The following ROBO2 variants were observed in gnomAD, a reference collection of about 807,000 sequenced individuals.
The protein encoded by ROBO2 is roundabout guidance receptor 2.
In ROBO2, 53 loss-of-function variants were observed where a neutral mutation model predicts 160.8. The observed-to-expected ratio is 0.33, with a 90% confidence interval of 0.26 to 0.41. The LOEUF (loss-of-function observed/expected upper bound fraction) is 0.41, where lower values mean the gene tolerates loss of function less well. ROBO2 is among the 10% of genes least tolerant of loss of function. The pLI is 1.00. For synonymous variants in ROBO2, 664 were observed against 611.7 expected (o/e 1.09, Z -1.26); for missense variants, 1,577 against 1,722.4 (o/e 0.92, Z 1.49).
chr3:76,310,575 C>T (rs557486242), intron 2 of ROBO2, among the ~76,000 whole-genome samples: 5 of 152,178 alleles, frequency 3.3e-5, no homozygotes, highest in Middle Eastern at 3.4e-3. Flanking sequence ...TCATTAGTGC[C>T]GATGCAATCC....
At chr3:76,272,784 TATA>T (rs1246045743) in intron 2 of ROBO2, among the ~76,000 whole-genome samples, 2 of 20,620 alleles carry the variant, frequency 9.7e-5, no homozygotes, top group Non-Finnish European at 1.1e-4. Context: ...ATATAAAATA[TATA>T]AAATATATAT....
intron 2 of ROBO2, among the ~76,000 whole-genome samples, chr3:76,544,143 A>T (rs1281409901): frequency 6.6e-6 from 1 of 152,058 alleles, no homozygotes; most frequent in South Asian, 2.1e-4. Flanking sequence ...TTGTTGAGAA[A>T]TATGCTCAGT....
Position 76,196,335 on chromosome 3 carries a change from A to G in ROBO2, c.109+258733A>G, listed in dbSNP as rs190069017. On this transcript the variant is annotated intron_variant, in intron 2 of 26. Transcript: ENST00000487694. ...TGCCTTATATAATATCCATGACAAT[A>G]AAAGAATAAGTATTCCTATTTTCCC... Among the ~76,000 whole-genome samples the G allele has an allele frequency of 7.9e-4, 121 of 152,276 alleles. No individual in the cohort carries two copies. The South Asian group carries it at 0.011, about 13-fold the overall frequency.
intron 2 of ROBO2, among the ~76,000 whole-genome samples, chr3:76,609,235 C>T (rs548409736): frequency 3.2e-4 from 48 of 152,142 alleles, no homozygotes; most frequent in African/African-American, 1.1e-3. Context: ...GTTTTTATAC[C>T]AGTTCCATGC....
At chr3:76,826,197 C>T (rs532319167) in intron 2 of ROBO2, among the ~76,000 whole-genome samples, 6 of 151,956 alleles carry the variant, frequency 3.9e-5, no homozygotes, top group African/African-American at 1.2e-4. Context: ...TTTGGCTGAG[C>T]GTAAGCCTGC....
At chr3:76,822,460 T>C (rs979244395) in intron 2 of ROBO2, among the ~76,000 whole-genome samples, 1 of 152,068 alleles carries the variant, frequency 6.6e-6, no homozygotes, top group African/African-American at 2.4e-5. Context: ...GCTATTGCCA[T>C]GTAGAATATA....
At position 77,558,168 on chromosome 3, in the gene ROBO2, G is replaced by A. The variant is rs2093191637; in HGVS notation, c.1437+19G>A. ...TTTACGGGTAAGTAATATTGGACTT[G>A]TACATGAATTATCATCTACACATAA... On this transcript the variant is annotated intron_variant, in intron 9 of 25. Transcript: ENST00000461745. The A allele has an allele frequency of 1.3e-6, 2 of 1,598,108 alleles. No homozygotes were observed. Among genetic ancestry groups the A allele is most frequent in the Non-Finnish European group, 1.7e-6 (2 of 1,166,010 alleles).
intron 2 of ROBO2, among the ~76,000 whole-genome samples, chr3:76,259,902 C>T (rs1356094398): frequency 1.3e-5 from 2 of 152,154 alleles, no homozygotes; most frequent in African/African-American, 4.8e-5. Context: ...CTGCTGGCAG[C>T]ATCAGTGAAT....
At chr3:77,437,094 A>G (rs1423081698) in intron 2 of ROBO2, among the ~76,000 whole-genome samples, 1 of 152,008 alleles carries the variant, frequency 6.6e-6, no homozygotes, top group Non-Finnish European at 1.5e-5. Flanking sequence ...CATAGTCCAC[A>G]TCTTCTGTTA....
intron 2 of ROBO2, among the ~76,000 whole-genome samples, chr3:76,679,868 C>G (rs947089417): frequency 3.3e-5 from 5 of 152,036 alleles, no homozygotes; most frequent in African/African-American, 1.2e-4. Context: ...GGATAGTTAT[C>G]TTTATTCCTT....
chr3:77,067,732 A>G (rs74760719), intron 1 of ROBO2, among the ~76,000 whole-genome samples: 9,251 of 152,226 alleles, frequency 0.061, 372 homozygotes, highest in Middle Eastern at 0.13. Context: ...GACCTTAGAA[A>G]CAGTAGACGC....
intron 2 of ROBO2, among the ~76,000 whole-genome samples, chr3:76,113,217 A>T (rs2070316597): frequency 6.6e-6 from 1 of 152,146 alleles, no homozygotes. Flanking sequence ...TAAAAAATGG[A>T]TGTGAGGAAA....
At chr3:76,638,970 C>T (rs2090487075) in intron 2 of ROBO2, among the ~76,000 whole-genome samples, 1 of 152,110 alleles carries the variant, frequency 6.6e-6, no homozygotes, top group Admixed American at 6.5e-5. Context: ...TACTGCATTA[C>T]GTCCCTCCAG....
At chr3:76,464,058 G>A (rs1405642428) in intron 2 of ROBO2, among the ~76,000 whole-genome samples, 4 of 152,100 alleles carry the variant, frequency 2.6e-5, no homozygotes, top group Non-Finnish European at 5.9e-5. Context: ...GACAGAAGTG[G>A]GAAGGGGCCT....
chr3:77,551,027 T>C (rs780353193), intron 8 of ROBO2, 38 bp downstream of exon 9: 1 of 1,600,884 alleles, frequency 6.2e-7, no homozygotes, highest in Non-Finnish European at 8.6e-7. Flanking sequence ...ATGAAAACAT[T>C]GATTTTTATT....
rs115570771 is a variant in ROBO2, at chr3:77,587,913, T to C, written c.2501-838T>C. Among the ~76,000 whole-genome samples the C allele has an allele frequency of 6.7e-3, 1,025 of 152,202 alleles. 7 individuals are homozygous for C. The highest frequency in any genetic ancestry group is 0.01 in the Non-Finnish European group (708 of 67,992). On this transcript the variant is annotated intron_variant, in intron 16 of 25. Coordinates refer to ENST00000461745, the Ensembl canonical transcript of ROBO2. ...ATCTGCTAAATAAGCCAATAAATCT[T>C]ATGATTCCACAAGTTTAAGACCTAT... is the stretch of plus-strand genomic sequence containing the variant.
intron 2 of ROBO2, among the ~76,000 whole-genome samples, chr3:76,433,226 C>T (rs1458461893): frequency 6.6e-6 from 1 of 152,098 alleles, no homozygotes; most frequent in East Asian, 1.9e-4. Flanking sequence ...TTGTATGGTA[C>T]TTACACGCTA....
At chr3:76,394,004 T>C (rs2077289547) in intron 2 of ROBO2, among the ~76,000 whole-genome samples, 2 of 152,280 alleles carry the variant, frequency 1.3e-5, no homozygotes, top group African/African-American at 4.8e-5. Context: ...TCCTTTTATT[T>C]TGAGCCTATG....
At chr3:75,966,859 A>C (rs2107324141) in intron 2 of ROBO2, among the ~76,000 whole-genome samples, 1 of 151,746 alleles carries the variant, frequency 6.6e-6, no homozygotes. Context: ...TTTCTTATGT[A>C]GTAACTTTTA....
Sources: gnomAD v4.1 joint callset for allele counts (sites outside exome capture counted in the v4.1 genomes callset) on GRCh38, gnomAD v4.1.1 for gene constraint, MANE v1.5 for transcripts, NCBI Gene and HGNC (gene_info 2026-07-23, HGNC 2026-07-21) for gene names.